The following ENTR1 variants were observed in gnomAD, a reference collection of about 807,000 sequenced individuals.
ENTR1 encodes the protein endosome associated trafficking regulator 1, also known as endosome-associated-trafficking regulator 1.
A neutral mutation model predicts 47.9 loss-of-function variants in ENTR1; 47 were observed. The ratio of observed to expected loss-of-function variants is 0.98; its 90% CI spans 0.78 to 1.25. The LOEUF (loss-of-function observed/expected upper bound fraction) is 1.25, where lower values mean the gene tolerates loss of function less well. ENTR1 is among the 50% of genes most tolerant of loss of function. The pLI, the probability that ENTR1 is intolerant of heterozygous loss-of-function variation, is 0.00. For missense variants in ENTR1, 668 were observed against 570.5 expected (o/e 1.17, Z -1.74); for synonymous variants, 290 against 245.8 (o/e 1.18, Z -1.68).
intron 4 of ENTR1, 78 bp downstream of exon 4, chr9:136,407,748 C>G (rs11145917): frequency 7.2e-7 from 1 of 1,379,738 alleles, no homozygotes; most frequent in Non-Finnish European, 1.0e-6. Flanking sequence ...CACTCATGCA[C>G]GATTCCTCCA....
chr9:136,404,767 C>T, intron 7 of ENTR1, 74 bp from the exon 8 acceptor site: 7 of 1,531,270 alleles, frequency 4.6e-6, no homozygotes, highest in Non-Finnish European at 5.4e-6. Context: ...CGGGCCCCAA[C>T]CCAGGGAGCA....
chr9:136,404,113 C>T lies in ENTR1; in HGVS notation c.1150G>A (p.Ala384Thr), dbSNP rs988841625. 6.8e-6 allele frequency: 11 copies of T among 1,613,312 alleles called. No homozygotes were observed. Among genetic ancestry groups the T allele is most frequent in the African/African-American group, 5.3e-5 (4 of 74,920 alleles). ...CGGAGGTTCTGCAGGGCCACGTCGGCGTTCTGCTTCACCACGGTCAGGCTG... is the reference window on the plus strand; with the variant it reads ...CGGAGGTTCTGCAGGGCCACGTCGGTGTTCTGCTTCACCACGGTCAGGCTG... ...GASLTVVKQN[A>T]DVALQNLRVV... The change falls in exon 9 of 10, where the codon GCC becomes ACC. Residue 384 changes from alanine to threonine, a missense_variant. Coordinates refer to ENST00000357365, the MANE Select transcript of ENTR1 (RefSeq NM_001039707.2).
In ENTR1 at chr9:136,410,001, G is replaced by C. The variant is rs762740745; in HGVS notation, c.220+89C>G. On this transcript the variant is annotated intron_variant, in intron 2 of 9. Coordinates refer to ENST00000357365, the MANE Select transcript of ENTR1 (RefSeq NM_001039707.2). Reference sequence around the variant, plus strand: ...CAGTGAGCGCTCTGCACATTGATGGGTCAATGGACGAGCTCGTGCTGCAGC... The same window carrying C: ...CAGTGAGCGCTCTGCACATTGATGGCTCAATGGACGAGCTCGTGCTGCAGC... 1.4e-6 allele frequency: 2 copies of C among 1,475,536 alleles called. 1 individual carries two copies. The highest frequency in any genetic ancestry group is 2.3e-5 in the South Asian group (2 of 86,734). 91.4% of individuals were successfully genotyped at this position (1,475,536 alleles called of 1,614,324 possible). A position where few individuals can be genotyped will look rare whatever the true frequency, so the allele number is the denominator to read the frequency against.
chr9:136,409,572 G>T (rs1173430127), intron 2 of ENTR1, among the ~76,000 whole-genome samples: 1 of 152,184 alleles, frequency 6.6e-6, no homozygotes, highest in African/African-American at 2.4e-5. Context: ...TCCGTGGTCT[G>T]AAAGCGGCTC....
In ENTR1 at chr9:136,410,580, G is replaced by C. The variant is rs145007593; in HGVS notation, c.-183C>G. ...CTTCCGCTCCGAGCACCGAAAGCGC[G>C]TGCCTGAACGCCTTGGGCCGTCGGC... is the stretch of plus-strand genomic sequence containing the variant. On this transcript the variant is annotated 5_prime_UTR_variant, in exon 1 of 10. Coordinates refer to ENST00000357365, the MANE Select transcript of ENTR1 (RefSeq NM_001039707.2). 5 of 1,194,014 alleles carry C rather than the reference G, an allele frequency of 4.2e-6. No individual in the cohort carries two copies. In the Admixed American group the frequency reaches 1.3e-4, roughly 30 times the overall value. 74.0% of individuals were successfully genotyped at this position (1,194,014 alleles called of 1,614,324 possible). A position where few individuals can be genotyped will look rare whatever the true frequency, so the allele number is the denominator to read the frequency against.
chr9:136,405,754 G>C (rs1351383597), intron 6 of ENTR1, 151 bp downstream of exon 6: 1 of 541,110 alleles, frequency 1.8e-6, no homozygotes, highest in Non-Finnish European at 3.2e-6. Flanking sequence ...TAAACTTTTA[G>C]GCAGAACACA....
rs2131550544 is a variant in ENTR1 at position 136,404,891 on chromosome 9, C to T, written c.1006-198G>A. 3 of 665,424 alleles carry T rather than the reference C, an allele frequency of 4.5e-6. No individual in the cohort carries two copies. The South Asian group carries it at 5.5e-5, about 12-fold the overall frequency. 41.2% of individuals were successfully genotyped at this position (665,424 alleles called of 1,614,324 possible). A position where few individuals can be genotyped will look rare whatever the true frequency, so the allele number is the denominator to read the frequency against. On this transcript the variant is annotated intron_variant, in intron 7 of 9. Transcript: ENST00000357365. The stretch of plus-strand genomic sequence containing the variant: ...TCATCGTGCAGTGTCTGTGCTCTGG[C>T]CCCCCACTCCCCACGGATGCCCTCG...
chr9:136,410,220 G>C lies in ENTR1; in HGVS notation c.90C>G (p.Arg30=). The change falls in exon 2 of 10, where the codon CGC becomes CGG. Residue 30 remains arginine (R), a synonymous_variant. Coordinates refer to ENST00000357365, the MANE Select transcript of ENTR1 (RefSeq NM_001039707.2). The part of the protein sequence containing the change: ...AIPDAPAFYE[R]RSCLPQLNCE... ...AATTTAGCTGGGGGAGACAAGACCGGCGCTCATAGAACGCTGGAGCTGGAA... is the reference window on the plus strand; with the variant it reads ...AATTTAGCTGGGGGAGACAAGACCGCCGCTCATAGAACGCTGGAGCTGGAA... 1 of 1,588,162 alleles carries C rather than the reference G, an allele frequency of 6.3e-7. No homozygotes were observed. The highest frequency in any genetic ancestry group is 8.6e-7 in the Non-Finnish European group (1 of 1,168,566).
chr9:136,409,461 G>A (rs948946274), intron 2 of ENTR1, among the ~76,000 whole-genome samples: 31 of 152,152 alleles, frequency 2.0e-4, no homozygotes, highest in African/African-American at 7.2e-4. Flanking sequence ...GATTACAGGC[G>A]TAAGCCACTG....
chr9:136,404,829 G>T, intron 7 of ENTR1, 136 bp from the exon 8 acceptor site: 1 of 833,062 alleles, frequency 1.2e-6, no homozygotes, highest in Non-Finnish European at 1.9e-6. Context: ...GCCCCTCCCA[G>T]TCCCGCCTCC....
chr9:136,404,625 A>G lies in ENTR1; in HGVS notation c.1068+6T>C. 1 of 1,613,708 alleles carries G rather than the reference A, an allele frequency of 6.2e-7. No homozygotes were observed. The highest frequency in any genetic ancestry group is 8.5e-7 in the Non-Finnish European group (1 of 1,179,718). On this transcript the variant is annotated splice_donor_region_variant and intron_variant, in intron 8 of 9. Transcript: ENST00000357365. ...GAAAAACACTGAAGTCCCTTCCTTT[A>G]ATTACCTGGAGCAAACTGATTTCCT... is the stretch of plus-strand genomic sequence containing the variant.
chr9:136,408,974 AG>A, intron 3 of ENTR1, 24 bp downstream of exon 3: 1 of 1,605,400 alleles, frequency 6.2e-7, no homozygotes, highest in Non-Finnish European at 8.5e-7. Flanking sequence ...GGAGACAAGA[AG>A]AAAAGGTTGC....
rs577721940 is a variant in ENTR1, at chr9:136,405,819, C to T, written c.893+86G>A. ...ACAATAAAACCCAGATCTGGTTTGA[C>T]TCTGATTACTTCATTATCATTTAAA... On this transcript the variant is annotated intron_variant, in intron 6 of 9. Coordinates refer to ENST00000357365, the MANE Select transcript of ENTR1 (RefSeq NM_001039707.2). The T allele has an allele frequency of 1.7e-4, 136 of 780,290 alleles. 2 individuals carry two copies. In the East Asian group the frequency reaches 3.4e-3, roughly 19 times the overall value. 48.3% of individuals were successfully genotyped at this position (780,290 alleles called of 1,614,324 possible). A position where few individuals can be genotyped will look rare whatever the true frequency, so the allele number is the denominator to read the frequency against.
Position 136,407,437 on chromosome 9 carries a change from T to C in ENTR1, c.527A>G (p.Glu176Gly), listed in dbSNP as rs17851182. The change falls in exon 5 of 10, where the codon GAG (glutamate) becomes GGG (glycine). Residue 176 changes from glutamate (E) to glycine (G), a missense_variant. Transcript: ENST00000357365. ...DPTGAGDLLD[E>G]EEDEDTGWSG... ...CCATCCGGTGTCCTCATCCTCCTCC[T>C]CATCCAGGAGGTCACCAGCCCCTGT... is the stretch of plus-strand genomic sequence containing the variant. 1.2e-6 allele frequency: 2 copies of C among 1,610,464 alleles called. No homozygotes were observed. The highest frequency in any genetic ancestry group is 1.3e-5 in the African/African-American group (1 of 74,812).
chr9:136,405,150 C>T lies in ENTR1; in HGVS notation c.946G>A (p.Asp316Asn), dbSNP rs756947753. Reference sequence around the variant, plus strand: ...ACCACCGACTCCAGGTCGTGGTAGTCGCTTTCCTCCTTGATCATTTTTGCT... The same window carrying T: ...ACCACCGACTCCAGGTCGTGGTAGTTGCTTTCCTCCTTGATCATTTTTGCT... Reference protein sequence around the residue: ...LEAKMIKEESDYHDLESVVQQ... With the variant: ...LEAKMIKEESNYHDLESVVQQ... The change falls in exon 7 of 10, where the codon GAC becomes AAC. Residue 316 changes from aspartate (D) to asparagine (N), a missense_variant. Asp to Asn is a conservative substitution (Grantham distance 23). Coordinates refer to ENST00000357365, the MANE Select transcript of ENTR1 (RefSeq NM_001039707.2). The T allele has an allele frequency of 8.1e-6, 13 of 1,613,872 alleles. No homozygotes were observed. In the Admixed American group the frequency reaches 1.3e-4, roughly 17 times the overall value.
rs4418446 is a variant in ENTR1 at position 136,410,572 on chromosome 9, G to A, written c.-175C>T. On this transcript the variant is annotated 5_prime_UTR_variant, in exon 1 of 10. Transcript: ENST00000357365. ...CGCCGCTGCTTCCGCTCCGAGCACC[G>A]AAAGCGCGTGCCTGAACGCCTTGGG... The A allele has an allele frequency of 0.23, 269,280 of 1,177,356 alleles. 32,182 individuals carry two copies. Among genetic ancestry groups the A allele is most frequent in the Admixed American group, 0.25 (5,891 of 23,618 alleles). The allele number at this position is 1,177,356 out of a possible 1,614,324, so 72.9% of individuals were successfully genotyped here. A position where few individuals can be genotyped will look rare whatever the true frequency, so the allele number is the denominator to read the frequency against.
chr9:136,409,940 G>T (rs753739380), intron 2 of ENTR1, 150 bp downstream of exon 2: 1 of 942,272 alleles, frequency 1.1e-6, no homozygotes, highest in South Asian at 1.4e-5. Flanking sequence ...GCTCCTAGCA[G>T]GGGACTCCGC....
intron 5 of ENTR1, 106 bp downstream of exon 5, chr9:136,407,039 T>C (rs117348471): frequency 1.7e-6 from 2 of 1,209,840 alleles, no homozygotes; most frequent in Admixed American, 2.6e-5. Flanking sequence ...CGCCTTGTCC[T>C]GGAAATCAAA....
chr9:136,407,442 C>T lies in ENTR1; in HGVS notation c.522G>A (p.Leu174=). ...FEDPTGAGDL[L]DEEEDEDTGW... ...CGGTGTCCTCATCCTCCTCCTCATC[C>T]AGGAGGTCACCAGCCCCTGTCGGAT... The change falls in exon 5 of 10, where the codon CTG becomes CTA. Residue 174 remains leucine, a synonymous_variant. Transcript: ENST00000357365. 1 of 1,610,812 alleles carries T rather than the reference C, an allele frequency of 6.2e-7. No homozygotes were observed. The highest frequency in any genetic ancestry group is 8.5e-7 in the Non-Finnish European group (1 of 1,179,754).
Sources: allele counts gnomAD v4.1 joint callset (sites outside exome capture counted in the v4.1 genomes callset), GRCh38; gene constraint gnomAD v4.1.1; transcripts MANE v1.5; gene names NCBI Gene and HGNC (gene_info 2026-07-23, HGNC 2026-07-21).